The following NDUFS4 variants were observed in gnomAD, a reference collection of about 807,000 sequenced individuals.
NDUFS4 encodes the protein NADH dehydrogenase [ubiquinone] iron-sulfur protein 4, mitochondrial.
NDUFS4 carries 28 observed loss-of-function variants against 24.3 expected under a neutral mutation model. That is an observed-to-expected ratio of 1.15 (90% CI 0.85 to 1.58). The LOEUF is 1.58. Among genes scored for constraint, NDUFS4 ranks in the 40% most tolerant of loss-of-function variants. The probability of loss-of-function intolerance (pLI) is 0.00; values close to 1 mark genes in which losing one functional copy is unlikely to be tolerated. For synonymous variants in NDUFS4, 93 were observed against 69.7 expected, an observed-to-expected ratio of 1.34 and a Z score of -1.67; for missense variants, 223 against 207.9, an observed-to-expected ratio of 1.07 and a Z score of -0.45.
intron 4 of NDUFS4, among the ~76,000 whole-genome samples, chr5:53,682,457 CT>C (rs1740698053): frequency 6.6e-6 from 1 of 151,882 alleles, no homozygotes; most frequent in South Asian, 2.1e-4. Context: ...TCTAGTGGGC[CT>C]TTGGTCAGGC....
intron 2 of NDUFS4, among the ~76,000 whole-genome samples, chr5:53,615,511 A>G (rs887076817): frequency 6.6e-6 from 1 of 152,020 alleles, no homozygotes. Context: ...TCTTCAAAAT[A>G]CCACCTGCAA....
rs1751335809 is a variant in NDUFS4, at chr5:53,629,495, TG to T, written c.178-16737del. ...ACAGTGGTGTGTTAAAGTCTTCCAG[TG>T]TTATTGTGTGGGAGGCTAAGTCTCT... On this transcript the variant is annotated intron_variant, in intron 2 of 4. Transcript: ENST00000296684. Among the ~76,000 whole-genome samples, 6 of 152,124 alleles carry T rather than the reference TG, an allele frequency of 3.9e-5. No individual in the cohort carries two copies. In the South Asian group the frequency reaches 1.2e-3, roughly 32 times the overall value.
chr5:53,651,839 C>T (rs766458296), intron 3 of NDUFS4, among the ~76,000 whole-genome samples: 56 of 145,836 alleles, frequency 3.8e-4, no homozygotes, highest in Middle Eastern at 7.6e-3. Flanking sequence ...AGTGGGCGAT[C>T]TCGGCTCACT....
intron 1 of NDUFS4, among the ~76,000 whole-genome samples, chr5:53,581,088 C>T (rs544999591): frequency 1.3e-5 from 2 of 152,224 alleles, no homozygotes; most frequent in Non-Finnish European, 2.9e-5. Context: ...TTGCCTTGGC[C>T]TCCCAAAGTG....
intron 4 of NDUFS4, among the ~76,000 whole-genome samples, chr5:53,666,699 G>A (rs1752522837): frequency 6.6e-6 from 1 of 152,172 alleles, no homozygotes; most frequent in Non-Finnish European, 1.5e-5. Context: ...GCTTTGGGAG[G>A]TTGAGGTGGG....
chr5:53,659,910 G>T (rs1369225521), intron 4 of NDUFS4, among the ~76,000 whole-genome samples: 1 of 151,958 alleles, frequency 6.6e-6, no homozygotes, highest in Non-Finnish European at 1.5e-5. Flanking sequence ...GAATTGCTGT[G>T]GTGATTAAAT....
At chr5:53,625,791 A>G (rs1336083172) in intron 2 of NDUFS4, among the ~76,000 whole-genome samples, 1 of 152,086 alleles carries the variant, frequency 6.6e-6, no homozygotes, top group African/African-American at 2.4e-5. Flanking sequence ...TAACATATTT[A>G]TAGTCATTAT....
In NDUFS4 at chr5:53,683,293, T is replaced by G; in HGVS notation, c.*72T>G. ...TGCAGTATTTATAGTCCATGTATAA[T>G]AAATACATCTCTTAATCTCCTAATA... is the stretch of plus-strand genomic sequence containing the variant. On this transcript the variant is annotated 3_prime_UTR_variant, in exon 5 of 5. Transcript: ENST00000296684. 9.7e-7 allele frequency: 1 copy of G among 1,032,188 alleles called. No individual in the cohort carries two copies. The highest frequency in any genetic ancestry group is 1.3e-5 in the South Asian group (1 of 78,678). 63.9% of individuals were successfully genotyped at this position (1,032,188 alleles called of 1,614,324 possible). A position where few individuals can be genotyped will look rare whatever the true frequency, so the allele number is the denominator to read the frequency against.
At chr5:53,592,989 G>A (rs767292989) in intron 1 of NDUFS4, among the ~76,000 whole-genome samples, 2 of 152,082 alleles carry the variant, frequency 1.3e-5, no homozygotes, top group Non-Finnish European at 2.9e-5. Context: ...ATTTATAAGA[G>A]AATTAGTCTA....
intron 2 of NDUFS4, among the ~76,000 whole-genome samples, chr5:53,643,214 A>C (rs1486903870): frequency 6.6e-6 from 1 of 152,016 alleles, no homozygotes; most frequent in Non-Finnish European, 1.5e-5. Context: ...TTTTTGAATT[A>C]TTATTTATAA....
chr5:53,669,668 G>C (rs941267770), intron 4 of NDUFS4, among the ~76,000 whole-genome samples: 1 of 152,042 alleles, frequency 6.6e-6, no homozygotes, highest in Non-Finnish European at 1.5e-5. Context: ...GTATGTCAGC[G>C]CTGTATGGCT....
chr5:53,615,634 A>C (rs1334659105), intron 2 of NDUFS4, among the ~76,000 whole-genome samples: 1 of 152,056 alleles, frequency 6.6e-6, no homozygotes, highest in East Asian at 1.9e-4. Flanking sequence ...CTTCTTTATA[A>C]GGCATACTTT....
intron 2 of NDUFS4, among the ~76,000 whole-genome samples, chr5:53,629,704 C>T (rs952943248): frequency 1.3e-5 from 2 of 151,990 alleles, no homozygotes; most frequent in Admixed American, 6.6e-5. Context: ...ATTGTAACCC[C>T]TCCTTTTTTT....
intron 2 of NDUFS4, among the ~76,000 whole-genome samples, chr5:53,637,177 C>T (rs1228896520): frequency 6.6e-6 from 1 of 151,072 alleles, no homozygotes; most frequent in African/African-American, 2.5e-5. Context: ...ACTTTGCATT[C>T]GTAGAGATGA....
intron 2 of NDUFS4, among the ~76,000 whole-genome samples, chr5:53,630,251 T>G (rs913536916): frequency 6.6e-6 from 1 of 152,226 alleles, no homozygotes; most frequent in East Asian, 1.9e-4. Context: ...AGAGATCTGC[T>G]GTTAGTCTGA....
chr5:53,655,234 G>A (rs1168856103), intron 3 of NDUFS4, among the ~76,000 whole-genome samples: 2 of 152,144 alleles, frequency 1.3e-5, no homozygotes, highest in African/African-American at 4.8e-5. Context: ...ATGCATGTGA[G>A]TAGTACCCAG....
chr5:53,571,215 C>G (rs901747788), intron 1 of NDUFS4, among the ~76,000 whole-genome samples: 1 of 152,196 alleles, frequency 6.6e-6, no homozygotes, highest in Non-Finnish European at 1.5e-5. Flanking sequence ...CTCCCCCAGT[C>G]CTAGATAACG....
chr5:53,610,390 A>G (rs1379926575), intron 2 of NDUFS4, among the ~76,000 whole-genome samples: 2 of 152,164 alleles, frequency 1.3e-5, no homozygotes, highest in Non-Finnish European at 2.9e-5. Context: ...ATCAAAGATC[A>G]CGGATCACAG....
chr5:53,644,923 A>C (rs1466973644), intron 2 of NDUFS4, among the ~76,000 whole-genome samples: 1 of 152,156 alleles, frequency 6.6e-6, no homozygotes, highest in African/African-American at 2.4e-5. Flanking sequence ...ATAATAGTCA[A>C]GTCAGAAATG....
Sources: allele counts gnomAD v4.1 joint callset (sites outside exome capture counted in the v4.1 genomes callset), GRCh38; gene constraint gnomAD v4.1.1; transcripts MANE v1.5; gene names NCBI Gene and HGNC (gene_info 2026-07-23, HGNC 2026-07-21).